HMGCS1: variants seen among roughly 807,000 people sequenced by gnomAD.
The protein encoded by HMGCS1 is hydroxymethylglutaryl-CoA synthase, cytoplasmic.
In HMGCS1, 9 loss-of-function variants were observed where a neutral mutation model predicts 52.3. That is an observed-to-expected ratio of 0.17 (90% CI 0.10 to 0.30). The LOEUF is 0.30. Ranked by LOEUF, HMGCS1 falls within the 10% of genes least tolerant of loss-of-function variation. The pLI is 1.00. For synonymous variants in HMGCS1, 176 were observed against 214.4 expected, an observed-to-expected ratio of 0.82 and a Z score of 1.57; for missense variants, 320 against 620.9, an observed-to-expected ratio of 0.52 and a Z score of 5.15.
In HMGCS1 at chr5:43,291,181, C is replaced by G; in HGVS notation, c.1513G>C (p.Ala505Pro). 1 of 1,445,150 alleles carries G rather than the reference C, an allele frequency of 6.9e-7. No homozygotes were observed. The highest frequency in any genetic ancestry group is 9.3e-7 in the Non-Finnish European group (1 of 1,074,194). The allele number at this position is 1,445,150 out of a possible 1,614,324, so 89.5% of individuals were successfully genotyped here. ...SPAKKVPRLP[A>P]TAAEPEAAVI... ...GCTGCTTCAGGTTCTGCTGCTGTGG[C>G]AGGGAGTCTTGGTACTTTCTTGGCA... Residue 505 changes from alanine (A) to proline (P), a missense_variant, in exon 11 of 11, where the codon GCC becomes CCC. Ala to Pro is a conservative substitution (Grantham distance 27). Transcript: ENST00000325110.
chr5:43,299,063 T>C (rs1278881440), intron 2 of HMGCS1, 88 bp from the exon 3 acceptor site: 12 of 920,808 alleles, frequency 1.3e-5, no homozygotes, highest in Non-Finnish European at 1.9e-5. Context: ...ATATTAAGAG[T>C]TTAGCAATCA....
chr5:43,289,390 G>C lies in HMGCS1; in HGVS notation c.*1741C>G, dbSNP rs1457365700. The stretch of plus-strand genomic sequence containing the variant: ...TTCAAGAGTGAAAAAGAATACTCAA[G>C]TATCTGAAACATTTCTCTAAAACTT... On this transcript the variant is annotated 3_prime_UTR_variant, in exon 11 of 11. Coordinates refer to ENST00000325110, the MANE Select transcript of HMGCS1 (RefSeq NM_001098272.3). 1.3e-5 allele frequency: 2 copies of C among 152,604 alleles called. No homozygotes were observed. The highest frequency in any genetic ancestry group is 2.9e-5 in the Non-Finnish European group (2 of 68,044). 9.5% of individuals were successfully genotyped at this position (152,604 alleles called of 1,614,324 possible). A position where few individuals can be genotyped will look rare whatever the true frequency, so the allele number is the denominator to read the frequency against.
At chr5:43,292,758 A>G (rs1307783922) in intron 9 of HMGCS1, 90 bp downstream of exon 9, 5 of 1,521,090 alleles carry the variant, frequency 3.3e-6, no homozygotes, top group East Asian at 4.5e-5. Flanking sequence ...AGTACTGAGT[A>G]AAGTCTTGAT....
At chr5:43,293,359 T>C (rs1172553033) in intron 8 of HMGCS1, among the ~76,000 whole-genome samples, 1 of 152,132 alleles carries the variant, frequency 6.6e-6, no homozygotes, top group African/African-American at 2.4e-5. Flanking sequence ...TCCTGAAGTG[T>C]TGGGATTATA....
chr5:43,289,401 A>G lies in HMGCS1; in HGVS notation c.*1730T>C, dbSNP rs1161024264. 2 of 152,626 alleles carry G rather than the reference A, an allele frequency of 1.3e-5. No individual in the cohort carries two copies. The highest frequency in any genetic ancestry group is 2.9e-5 in the Non-Finnish European group (2 of 68,038). The allele number at this position is 152,626 out of a possible 1,614,324, so 9.5% of individuals were successfully genotyped here. A position where few individuals can be genotyped will look rare whatever the true frequency, so the allele number is the denominator to read the frequency against. ...AAAAGAATACTCAAGTATCTGAAAC[A>G]TTTCTCTAAAACTTTATTTCAAAGT... On this transcript the variant is annotated 3_prime_UTR_variant, in exon 11 of 11. Transcript: ENST00000325110.
chr5:43,294,608 C>T, intron 7 of HMGCS1, 83 bp downstream of exon 7: 3 of 1,029,102 alleles, frequency 2.9e-6, no homozygotes, highest in Non-Finnish European at 4.2e-6. Context: ...CTACCACCAA[C>T]ATGCTTGACA....
intron 2 of HMGCS1, among the ~76,000 whole-genome samples, chr5:43,302,577 T>G (rs1754373883): frequency 6.6e-6 from 1 of 152,226 alleles, no homozygotes; most frequent in Admixed American, 6.5e-5. Context: ...AGAAGCCAAT[T>G]ATGATGTTGT....
In HMGCS1 at chr5:43,293,723, T is replaced by C. The variant is rs201698523; in HGVS notation, c.1183+333A>G. 3 of 172,816 alleles carry C rather than the reference T, an allele frequency of 1.7e-5. No individual in the cohort carries two copies. In the East Asian group the frequency reaches 5.4e-4, roughly 31 times the overall value. 10.7% of individuals were successfully genotyped at this position (172,816 alleles called of 1,614,324 possible). Reference sequence around the variant, plus strand: ...AGAGTAGTTCTCAATACATTTTTTTTTTTTTTTTTTGACAGAGTCTCGCTC... The same window carrying C: ...AGAGTAGTTCTCAATACATTTTTTTCTTTTTTTTTTGACAGAGTCTCGCTC... On this transcript the variant is annotated intron_variant, in intron 8 of 10. Coordinates refer to ENST00000325110, the MANE Select transcript of HMGCS1 (RefSeq NM_001098272.3).
chr5:43,297,343 A>G (rs138549317), intron 4 of HMGCS1, among the ~76,000 whole-genome samples, 177 bp from the exon 5 acceptor site: 130 of 152,364 alleles, frequency 8.5e-4, no homozygotes, highest in African/African-American at 3.0e-3. Flanking sequence ...AACAGTATCC[A>G]TGGACAGTCC....
In HMGCS1 at chr5:43,294,826, T is replaced by C. The variant is rs751996012; in HGVS notation, c.941A>G (p.Asp314Gly). Reference protein sequence around the residue: ...VKLEDTYFDRDVEKAFMKASS... With the variant: ...VKLEDTYFDRGVEKAFMKASS... The stretch of plus-strand genomic sequence containing the variant: ...AGCCTTCATAAATGCCTTCTCCACA[T>C]CTCTATCAAAGTAGGTGTCTTCTAA... The change falls in exon 7 of 11, where the codon GAT (aspartate) becomes GGT (glycine). Residue 314 changes from aspartate to glycine, a missense_variant. This residue lies in a region of HMGCS1 where 213 missense variants were observed against 337.4 expected (regional missense o/e 0.63). Coordinates refer to ENST00000325110, the MANE Select transcript of HMGCS1 (RefSeq NM_001098272.3). 3.7e-6 allele frequency: 6 copies of C among 1,611,426 alleles called. No individual in the cohort carries two copies. The highest frequency in any genetic ancestry group is 5.1e-6 in the Non-Finnish European group (6 of 1,178,254).
chr5:43,297,991 G>C lies in HMGCS1; in HGVS notation c.574+18C>G, dbSNP rs748282777. ...ATATTGTGCTAAAAAAAACAAAAAT[G>C]CTTTCCCAAGCACTTACCTCGTTCA... On this transcript the variant is annotated intron_variant, in intron 4 of 10. Coordinates refer to ENST00000325110, the MANE Select transcript of HMGCS1 (RefSeq NM_001098272.3). 1 of 1,604,866 alleles carries C rather than the reference G, an allele frequency of 6.2e-7. No individual in the cohort carries two copies. Among genetic ancestry groups the C allele is most frequent in the South Asian group, 1.1e-5 (1 of 89,066 alleles).
At chr5:43,299,204 C>T (rs1254932551) in intron 2 of HMGCS1, among the ~76,000 whole-genome samples, 2 of 152,056 alleles carry the variant, frequency 1.3e-5, no homozygotes, top group Non-Finnish European at 2.9e-5. Context: ...CCATTTTATT[C>T]AAAATTGGGC....
chr5:43,301,580 G>A (rs1294496616), intron 2 of HMGCS1, among the ~76,000 whole-genome samples: 1 of 152,166 alleles, frequency 6.6e-6, no homozygotes, highest in Non-Finnish European at 1.5e-5. Context: ...CATATATAAA[G>A]TATACATAAG....
At chr5:43,303,283 G>A (rs895656719) in intron 2 of HMGCS1, among the ~76,000 whole-genome samples, 1 of 152,222 alleles carries the variant, frequency 6.6e-6, no homozygotes, top group Non-Finnish European at 1.5e-5. Flanking sequence ...TTGGAGATGG[G>A]GCCTTTGGAA....
At position 43,291,192 on chromosome 5, in the gene HMGCS1, G is replaced by C. The variant is rs1454668636; in HGVS notation, c.1502C>G (p.Pro501Arg). The change falls in exon 11 of 11, where the codon CCA becomes CGA. Residue 501 changes from proline (P) to arginine (R), a missense_variant. By Grantham distance (103) the Pro-to-Arg change is moderately radical (BLOSUM62 -2). Transcript: ENST00000325110. ...TTCTGCTGCTGTGGCAGGGAGTCTTGGTACTTTCTTGGCAGGGCTTGGAAT... is the reference window on the plus strand; with the variant it reads ...TTCTGCTGCTGTGGCAGGGAGTCTTCGTACTTTCTTGGCAGGGCTTGGAAT... Reference protein sequence around the residue: ...EHIPSPAKKVPRLPATAAEPE... With the variant: ...EHIPSPAKKVRRLPATAAEPE... The C allele has an allele frequency of 6.3e-7, 1 of 1,587,056 alleles. No individual in the cohort carries two copies. Among genetic ancestry groups the C allele is most frequent in the South Asian group, 1.1e-5 (1 of 90,592 alleles).
intron 1 of HMGCS1, among the ~76,000 whole-genome samples, chr5:43,308,156 A>C (rs934011810): frequency 5.9e-5 from 9 of 152,220 alleles, no homozygotes; most frequent in African/African-American, 2.2e-4. Context: ...GGTTTTCAAG[A>C]ATTGGGGGAA....
intron 1 of HMGCS1, among the ~76,000 whole-genome samples, chr5:43,309,119 T>C (rs1437281080): frequency 1.3e-5 from 2 of 152,176 alleles, no homozygotes; most frequent in Non-Finnish European, 2.9e-5. Context: ...ACTACTTAAA[T>C]AATAATATTT....
intron 2 of HMGCS1, among the ~76,000 whole-genome samples, chr5:43,301,381 G>C (rs1754309071): frequency 6.6e-6 from 1 of 152,142 alleles, no homozygotes; most frequent in African/African-American, 2.4e-5. Flanking sequence ...AGCCATCGGA[G>C]AGTTTAAGGA....
intron 1 of HMGCS1, among the ~76,000 whole-genome samples, chr5:43,309,835 T>C (rs555461063): frequency 6.6e-6 from 1 of 152,286 alleles, no homozygotes; most frequent in East Asian, 1.9e-4. Flanking sequence ...GGATGAAATA[T>C]AGGCACTTTG....
Sources: allele counts gnomAD v4.1 joint callset (sites outside exome capture counted in the v4.1 genomes callset), GRCh38; gene constraint gnomAD v4.1.1; regional missense constraint gnomAD v4.1.1; transcripts MANE v1.5; gene names NCBI Gene and HGNC (gene_info 2026-07-23, HGNC 2026-07-21).